The following CLIC4 variants were observed in gnomAD, a reference collection of about 807,000 sequenced individuals.
CLIC4 encodes the protein CLIC family member 4.
A neutral mutation model predicts 24.6 loss-of-function variants in CLIC4; 13 were observed. The observed-to-expected ratio is 0.53, with a 90% CI of 0.34 to 0.84. The LOEUF (loss-of-function observed/expected upper bound fraction) is 0.84. Ranked by LOEUF, CLIC4 falls within the 40% of genes least tolerant of loss-of-function variation. CLIC4 has a pLI of 0.01. For missense variants in CLIC4, 227 were observed against 301.7 expected (o/e 0.75, Z 1.83); for synonymous variants, 104 against 111.3 (o/e 0.93, Z 0.41).
At chr1:24,838,213 G>A (rs1420937662) in intron 4 of CLIC4, among the ~76,000 whole-genome samples, 9 of 152,074 alleles carry the variant, frequency 5.9e-5, no homozygotes, top group Admixed American at 2.6e-4. Context: ...AACTCTCTGA[G>A]GATAGGAATG....
At chr1:24,799,318 G>A (rs1191466390) in intron 2 of CLIC4, among the ~76,000 whole-genome samples, 1 of 150,862 alleles carries the variant, frequency 6.6e-6, no homozygotes, top group Non-Finnish European at 1.5e-5. Flanking sequence ...TGGGATGTGA[G>A]GAGCGCCTCT....
rs1278182360 is a variant in CLIC4, at chr1:24,842,799, G to A, written c.*1862G>A. 1 of 152,068 alleles carries A rather than the reference G, an allele frequency of 6.6e-6. No individual in the cohort carries two copies. The highest frequency in any genetic ancestry group is 1.5e-5 in the Non-Finnish European group (1 of 68,008). The allele number at this position is 152,068 out of a possible 1,614,324, so 9.4% of individuals were successfully genotyped here. On this transcript the variant is annotated 3_prime_UTR_variant, in exon 6 of 6. Coordinates refer to ENST00000374379, the MANE Select transcript of CLIC4 (RefSeq NM_013943.3). The stretch of plus-strand genomic sequence containing the variant: ...AATTATTTTGCAGTGGTTTTAGTGG[G>A]TGAAAATGTCCCATCTGCACCAGTA...
At chr1:24,767,913 G>A (rs1296408093) in intron 1 of CLIC4, among the ~76,000 whole-genome samples, 1 of 151,490 alleles carries the variant, frequency 6.6e-6, no homozygotes, top group Non-Finnish European at 1.5e-5. Context: ...GCATGATCTC[G>A]GCTAACTACA....
chr1:24,841,084 T>C lies in CLIC4; in HGVS notation c.*147T>C. On this transcript the variant is annotated 3_prime_UTR_variant, in exon 6 of 6. Transcript: ENST00000374379. ...AGGATCAAGGATAGACAAGGTATAG[T>C]AGTTATCTTAAAATATACACTCCTA... 1 of 580,794 alleles carries C rather than the reference T, an allele frequency of 1.7e-6. No individual in the cohort carries two copies. The highest frequency in any genetic ancestry group is 2.8e-6 in the Non-Finnish European group (1 of 353,472). 36.0% of individuals were successfully genotyped at this position (580,794 alleles called of 1,614,324 possible).
chr1:24,781,892 C>T (rs1162299581), intron 1 of CLIC4, among the ~76,000 whole-genome samples: 1 of 152,054 alleles, frequency 6.6e-6, no homozygotes, highest in African/African-American at 2.4e-5. Context: ...CCTCGTGTTC[C>T]GCCCGCCTTG....
intron 1 of CLIC4, among the ~76,000 whole-genome samples, chr1:24,769,243 C>A (rs933924635): frequency 6.6e-6 from 1 of 152,138 alleles, no homozygotes; most frequent in African/African-American, 2.4e-5. Context: ...TATCACTATA[C>A]AGAATAAACA....
chr1:24,757,474 AC>A (rs908923416), intron 1 of CLIC4, among the ~76,000 whole-genome samples: 7 of 152,238 alleles, frequency 4.6e-5, no homozygotes, highest in African/African-American at 1.7e-4. Context: ...GCGTGGTGGC[AC>A]ATGCCTGTAA....
At chr1:24,788,457 C>T (rs1192042735) in intron 1 of CLIC4, among the ~76,000 whole-genome samples, 2 of 152,046 alleles carry the variant, frequency 1.3e-5, no homozygotes, top group Non-Finnish European at 2.9e-5. Flanking sequence ...TTCAGTTGTC[C>T]CCTGGAATCC....
intron 1 of CLIC4, among the ~76,000 whole-genome samples, chr1:24,752,502 G>T (rs1293820093): frequency 6.6e-6 from 1 of 152,172 alleles, no homozygotes; most frequent in East Asian, 1.9e-4. Flanking sequence ...TCTGTTGCCA[G>T]TGGGGGGTGG....
intron 1 of CLIC4, among the ~76,000 whole-genome samples, chr1:24,769,199 A>G (rs1049971325): frequency 3.9e-5 from 6 of 152,178 alleles, no homozygotes; most frequent in African/African-American, 1.4e-4. Context: ...TTTATTTTAT[A>G]ATAATGTTAT....
chr1:24,785,708 C>T (rs956345700), intron 1 of CLIC4, among the ~76,000 whole-genome samples: 1 of 151,746 alleles, frequency 6.6e-6, no homozygotes, highest in Admixed American at 6.6e-5. Context: ...AAAAATTAGC[C>T]AGACATGGTG....
intron 2 of CLIC4, among the ~76,000 whole-genome samples, chr1:24,804,179 C>T (rs1023594817): frequency 6.6e-6 from 1 of 152,044 alleles, no homozygotes; most frequent in Non-Finnish European, 1.5e-5. Flanking sequence ...TGAGATAAGC[C>T]TGTCTTTCAG....
At chr1:24,786,350 A>G (rs1033414871) in intron 1 of CLIC4, among the ~76,000 whole-genome samples, 14 of 152,248 alleles carry the variant, frequency 9.2e-5, no homozygotes, top group African/African-American at 3.4e-4. Flanking sequence ...GGCATCTGCC[A>G]TTGACCCCTA....
At chr1:24,759,800 C>G (rs923435617) in intron 1 of CLIC4, among the ~76,000 whole-genome samples, 2 of 151,884 alleles carry the variant, frequency 1.3e-5, no homozygotes, top group African/African-American at 4.8e-5. Context: ...TTTGCAAAAA[C>G]ACAAAAATCT....
At chr1:24,786,811 G>A (rs904101237) in intron 1 of CLIC4, among the ~76,000 whole-genome samples, 3 of 151,992 alleles carry the variant, frequency 2.0e-5, no homozygotes, top group Non-Finnish European at 2.9e-5. Flanking sequence ...GTAGAGACGA[G>A]GTTTCACCAT....
In CLIC4 at chr1:24,843,239, T is replaced by G. The variant is rs1571271971; in HGVS notation, c.*2302T>G. ...GTCAAATGAAATGGAAATTGGTAAATGGACAAAAGCTAGCTAGTAAAAAGG... is the reference window on the plus strand; with the variant it reads ...GTCAAATGAAATGGAAATTGGTAAAGGGACAAAAGCTAGCTAGTAAAAAGG... On this transcript the variant is annotated 3_prime_UTR_variant, in exon 6 of 6. Transcript: ENST00000374379. The G allele has an allele frequency of 1.3e-5, 2 of 152,284 alleles. No individual in the cohort carries two copies. The highest frequency in any genetic ancestry group is 6.5e-5 in the Admixed American group (1 of 15,300). The allele number at this position is 152,284 out of a possible 1,614,324, so 9.4% of individuals were successfully genotyped here. A position where few individuals can be genotyped will look rare whatever the true frequency, so the allele number is the denominator to read the frequency against.
intron 1 of CLIC4, among the ~76,000 whole-genome samples, chr1:24,751,788 CGGGAAGCGGAGATTGCAGTG>C (rs1237350370): frequency 6.6e-6 from 1 of 152,170 alleles, no homozygotes; most frequent in Non-Finnish European, 1.5e-5. Flanking sequence ...CACTTGAACC[CGGGAAGCGGAGATTGCAGTG>C]AGCCGAGATT....
intron 2 of CLIC4, among the ~76,000 whole-genome samples, chr1:24,808,877 A>G (rs568263287): frequency 1.5e-4 from 23 of 151,772 alleles, no homozygotes; most frequent in Non-Finnish European, 2.4e-4. Flanking sequence ...AGGGTTTCAC[A>G]ATGTCGGCCA....
chr1:24,837,092 T>C (rs1014168325), intron 4 of CLIC4, among the ~76,000 whole-genome samples: 4 of 151,968 alleles, frequency 2.6e-5, no homozygotes, highest in African/African-American at 9.7e-5. Flanking sequence ...TATAAGGAAG[T>C]AGAAAACAAA....
Sources: gnomAD v4.1 joint callset for allele counts (sites outside exome capture counted in the v4.1 genomes callset) on GRCh38, gnomAD v4.1.1 for gene constraint, MANE v1.5 for transcripts, NCBI Gene and HGNC (gene_info 2026-07-23, HGNC 2026-07-21) for gene names.